Variants in NOL7 observed in about 807,000 individuals in gnomAD.
NOL7 encodes the protein U3 small nucleolar RNA-associated protein NOL7.
NOL7 carries 36 observed loss-of-function variants against 38.4 expected under a neutral mutation model. That is an observed-to-expected ratio of 0.94 (90% CI 0.72 to 1.24). The LOEUF (loss-of-function observed/expected upper bound fraction) is 1.24, where lower values mean the gene tolerates loss of function less well. Ranked by LOEUF, NOL7 falls within the 50% of genes most tolerant of loss-of-function variation. The pLI, the probability that NOL7 is intolerant of heterozygous loss-of-function variation, is 0.00. For synonymous variants in NOL7, 142 were observed against 126.5 expected (o/e 1.12, Z -0.82); for missense variants, 350 against 315.1 (o/e 1.11, Z -0.84).
intron 8 of NOL7, among the ~76,000 whole-genome samples, chr6:13,629,921 C>CGTGTGTGTGT (rs3063992): frequency 7.8e-6 from 1 of 128,342 alleles, no homozygotes; most frequent in South Asian, 2.5e-4. Context: ...CTCTCTCTCT[C>CGTGTGTGTGT]GTGTGTGTGT....
intron 3 of NOL7, 28 bp from the exon 4 acceptor site, chr6:13,617,742 A>T (rs1252357955): frequency 1.2e-6 from 2 of 1,609,698 alleles, no homozygotes; most frequent in Non-Finnish European, 1.7e-6. Flanking sequence ...CTGCCATTGC[A>T]GTCAGTGGTT....
chr6:13,625,605 A>T, downstream of NOL7: 1 of 1,397,942 alleles, frequency 7.2e-7, no homozygotes, highest in Non-Finnish European at 1.0e-6. Flanking sequence ...CCTCTCTTAA[A>T]TTTTCAGAGA....
At chr6:13,632,127 T>TG (rs1375338206) in intron 8 of NOL7, among the ~76,000 whole-genome samples, 1 of 7,424 alleles carries the variant, frequency 1.3e-4, no homozygotes, top group African/African-American at 6.8e-4. Context: ...CCTTTTTTTT[T>TG]TTTTTTTTTT....
chr6:13,624,336 A>C (rs1455644759), downstream of NOL7, among the ~76,000 whole-genome samples: 1 of 152,134 alleles, frequency 6.6e-6, no homozygotes, highest in African/African-American at 2.4e-5. Context: ...CTCCCTATCT[A>C]AACTACTCTT....
At chr6:13,632,339 T>G (rs969050197) in intron 8 of NOL7, 5 of 1,599,270 alleles carry the variant, frequency 3.1e-6, no homozygotes, top group African/African-American at 1.3e-5. Flanking sequence ...CTCTGACATA[T>G]TCATAATTTT....
chr6:13,622,244 G>T, downstream of NOL7: 2 of 1,094,616 alleles, frequency 1.8e-6, no homozygotes, highest in Non-Finnish European at 1.2e-6. Flanking sequence ...AATGTAAAGC[G>T]ACAAAAACCT....
intron 8 of NOL7, among the ~76,000 whole-genome samples, chr6:13,627,889 C>T (rs980913821): frequency 6.6e-6 from 1 of 152,042 alleles, no homozygotes; most frequent in African/African-American, 2.4e-5. Context: ...TAAGACTACA[C>T]TGTCTAGTGC....
downstream of NOL7, chr6:13,622,210 G>A: frequency 1.4e-6 from 1 of 692,972 alleles, no homozygotes; most frequent in Non-Finnish European, 2.1e-6. Context: ...AAAATCATTT[G>A]CATCATGCTG....
intron 8 of NOL7, among the ~76,000 whole-genome samples, chr6:13,630,632 T>G (rs10807467): frequency 0.54 from 81,583 of 151,966 alleles, 22,377 homozygotes; most frequent in Admixed American, 0.63. Flanking sequence ...GAAGTCAAAA[T>G]TATTTGTATA....
At position 13,616,531 on chromosome 6, in the gene NOL7, G is replaced by A. The variant is rs1267375449; in HGVS notation, c.386+10G>A. ...CAGCTTCACAGACTAAGTAAGTAAT[G>A]GATCTTTTTATATTACTTGCTTATA... is the stretch of plus-strand genomic sequence containing the variant. On this transcript the variant is annotated intron_variant, in intron 3 of 7. Coordinates refer to ENST00000451315, the MANE Select transcript of NOL7 (RefSeq NM_016167.5). 6.3e-7 allele frequency: 1 copy of A among 1,579,324 alleles called. No homozygotes were observed. Among genetic ancestry groups the A allele is most frequent in the Admixed American group, 1.7e-5 (1 of 58,150 alleles).
chr6:13,625,581 GC>G, downstream of NOL7: 1 of 998,654 alleles, frequency 1.0e-6, no homozygotes, highest in Non-Finnish European at 1.6e-6. Flanking sequence ...AAGTGTAAAT[GC>G]CAGTACAAAC....
At chr6:13,629,071 A>G (rs892497152) in intron 8 of NOL7, among the ~76,000 whole-genome samples, 4 of 152,226 alleles carry the variant, frequency 2.6e-5, no homozygotes, top group Non-Finnish European at 5.9e-5. Context: ...CAACAGAGCA[A>G]TGTTGAAATA....
At chr6:13,624,733 T>TC (rs528590297), downstream of NOL7, among the ~76,000 whole-genome samples, 1,749 of 152,322 alleles carry the variant, frequency 0.011, 31 homozygotes, top group African/African-American at 0.041. Flanking sequence ...GTTTCGCACT[T>TC]GATGCTCACC....
chr6:13,631,861 G>A (rs536594787), intron 8 of NOL7, among the ~76,000 whole-genome samples: 18 of 152,266 alleles, frequency 1.2e-4, no homozygotes, highest in African/African-American at 3.8e-4. Flanking sequence ...ACTTTAAAAT[G>A]TATTTTAACT....
chr6:13,624,080 T>C (rs1006319955), downstream of NOL7, among the ~76,000 whole-genome samples: 1 of 152,236 alleles, frequency 6.6e-6, no homozygotes, highest in Non-Finnish European at 1.5e-5. Context: ...CGGAGCTAAA[T>C]GAATTTTGTA....
chr6:13,627,014 C>T lies in NOL7; in HGVS notation n.574-5379C>T, dbSNP rs114379659. On this transcript the variant is annotated intron_variant and non_coding_transcript_variant, in intron 8 of 8. Transcript: ENST00000474485. ...ATACACGTGCCTCTACGCAAACACA[C>T]ATGGCTCCTCCATTGTTTTATATTG... 7.5e-3 allele frequency among the ~76,000 whole-genome samples: 1,144 copies of T among 152,340 alleles called. 21 individuals carry two copies. Among genetic ancestry groups the T allele is most frequent in the African/African-American group, 0.026 (1,075 of 41,578 alleles).
At chr6:13,632,008 G>A (rs944104931) in intron 8 of NOL7, among the ~76,000 whole-genome samples, 1 of 151,280 alleles carries the variant, frequency 6.6e-6, no homozygotes, top group African/African-American at 2.4e-5. Context: ...TTATCTGCAC[G>A]CCCACATTGC....
chr6:13,623,610 T>C (rs1320805822), downstream of NOL7, among the ~76,000 whole-genome samples: 1 of 152,182 alleles, frequency 6.6e-6, no homozygotes, highest in African/African-American at 2.4e-5. Context: ...GGAATATTTT[T>C]TTAATTTTAT....
rs1484840188 is a variant in NOL7 at position 13,615,455 on chromosome 6, C to T, written c.97C>T (p.His33Tyr). The T allele has an allele frequency of 2.6e-6, 4 of 1,550,364 alleles. No individual in the cohort carries two copies. In the East Asian group the frequency reaches 7.3e-5, roughly 28 times the overall value. Residue 33 changes from histidine (H) to tyrosine (Y), a missense_variant, in exon 1 of 8, where the codon CAC (histidine) becomes TAC (tyrosine). Coordinates refer to ENST00000451315, the MANE Select transcript of NOL7 (RefSeq NM_016167.5). ...QLASEEEEAE[H>Y]GLLLGQPSSG... ...GGCCTCGGAGGAGGAGGAGGCGGAG[C>T]ACGGGCTGTTGCTCGGGCAGCCCAG...
Sources: gnomAD v4.1 joint callset for allele counts (sites outside exome capture counted in the v4.1 genomes callset) on GRCh38, gnomAD v4.1.1 for gene constraint, MANE v1.5 for transcripts, NCBI Gene and HGNC (gene_info 2026-07-23, HGNC 2026-07-21) for gene names.